Variants in NELL1 observed in about 807,000 individuals in gnomAD.
The protein encoded by NELL1 is neural EGFL like 1, also known as protein kinase C-binding protein NELL1.
A neutral mutation model predicts 107.4 loss-of-function variants in NELL1; 76 were observed. The observed-to-expected ratio is 0.71, with a 90% CI of 0.59 to 0.86. The LOEUF is 0.86. Ranked by LOEUF, NELL1 falls within the 40% of genes least tolerant of loss-of-function variation. The pLI, the probability that NELL1 is intolerant of heterozygous loss-of-function variation, is 0.00. For missense variants in NELL1, 1,024 were observed against 1,005.5 expected (o/e 1.02, Z -0.25); for synonymous variants, 353 against 341.2 (o/e 1.03, Z -0.38).
chr11:21,070,242 A>G (rs1051923248), intron 12 of NELL1, among the ~76,000 whole-genome samples: 4 of 152,160 alleles, frequency 2.6e-5, no homozygotes, highest in African/African-American at 9.7e-5. Flanking sequence ...GTACACTAGT[A>G]TCTATACATA....
chr11:21,302,001 C>T (rs1167818343), intron 14 of NELL1, among the ~76,000 whole-genome samples: 7 of 152,032 alleles, frequency 4.6e-5, no homozygotes. Context: ...GTGGCAGAGG[C>T]AGTATAGGTT....
chr11:21,243,586 C>T (rs565092728), intron 14 of NELL1, among the ~76,000 whole-genome samples: 19 of 152,164 alleles, frequency 1.2e-4, no homozygotes, highest in African/African-American at 3.9e-4. Flanking sequence ...AAGCAAAATG[C>T]GCACATGCAC....
At chr11:21,231,087 G>A (rs1214287920) in intron 14 of NELL1, among the ~76,000 whole-genome samples, 2 of 152,024 alleles carry the variant, frequency 1.3e-5, no homozygotes, top group African/African-American at 4.8e-5. Context: ...ACATTTGTAT[G>A]TACACGCACG....
chr11:20,809,336 A>G (rs889679295), intron 3 of NELL1, among the ~76,000 whole-genome samples: 3 of 152,234 alleles, frequency 2.0e-5, no homozygotes, highest in Non-Finnish European at 2.9e-5. Flanking sequence ...GGTGATTAGC[A>G]TATCAATCAT....
chr11:20,970,608 A>G (rs1851479612), intron 12 of NELL1, among the ~76,000 whole-genome samples: 1 of 152,154 alleles, frequency 6.6e-6, no homozygotes, highest in Non-Finnish European at 1.5e-5. Context: ...TCTTAAGAAT[A>G]AGATGTTCTG....
intron 13 of NELL1, among the ~76,000 whole-genome samples, chr11:21,126,076 G>T (rs1241109370): frequency 1.3e-5 from 2 of 152,190 alleles, no homozygotes; most frequent in African/African-American, 2.4e-5. Flanking sequence ...ATGTTAAGGT[G>T]TGGGAGGTTG....
chr11:21,029,111 C>T (rs929372351), intron 12 of NELL1, among the ~76,000 whole-genome samples: 12 of 152,108 alleles, frequency 7.9e-5, no homozygotes, highest in South Asian at 6.2e-4. Context: ...TCTTTGTAAC[C>T]GTCTTGTTTG....
chr11:21,522,918 T>A (rs1168517067), intron 15 of NELL1, among the ~76,000 whole-genome samples: 1 of 145,478 alleles, frequency 6.9e-6, no homozygotes, highest in Non-Finnish European at 1.5e-5. Context: ...TTGGCTCACT[T>A]CATGCAAGCT....
At chr11:21,485,155 A>G (rs553122393) in intron 15 of NELL1, among the ~76,000 whole-genome samples, 4 of 152,278 alleles carry the variant, frequency 2.6e-5, no homozygotes, top group East Asian at 3.9e-4. Flanking sequence ...GATTGTGCCA[A>G]GCTTCAGAAA....
Position 21,039,331 on chromosome 11 carries a change from A to G in NELL1, c.1301-74258A>G, listed in dbSNP as rs143906954. On this transcript the variant is annotated intron_variant, in intron 12 of 19. Transcript: ENST00000357134. The stretch of plus-strand genomic sequence containing the variant: ...CTCCCAAGTAGATGGGATTACAAGC[A>G]TGTATCACAACACCTGGCTAATTTT... Among the ~76,000 whole-genome samples, 244 of 152,150 alleles carry G rather than the reference A, an allele frequency of 1.6e-3. 3 individuals carry two copies. In the East Asian group the frequency reaches 0.018, roughly 11 times the overall value.
intron 3 of NELL1, among the ~76,000 whole-genome samples, chr11:20,826,523 A>AG (rs1375057079): frequency 6.6e-6 from 1 of 151,278 alleles, no homozygotes; most frequent in Non-Finnish European, 1.5e-5. Flanking sequence ...AGTGCACACC[A>AG]GGGGACAGCT....
intron 15 of NELL1, among the ~76,000 whole-genome samples, chr11:21,431,170 C>A (rs1852955731): frequency 6.7e-6 from 1 of 150,226 alleles, no homozygotes; most frequent in Admixed American, 6.7e-5. Context: ...TCACTTCCTC[C>A]CTTCTCTCAC....
intron 6 of NELL1, 76 bp from the exon 7 acceptor site, chr11:20,919,176 G>A (rs890016237): frequency 2.5e-5 from 21 of 848,966 alleles, no homozygotes; most frequent in African/African-American, 1.1e-4. Flanking sequence ...ACATAGTCAC[G>A]TATCTACTGT....
chr11:20,725,278 C>G (rs1314971395), intron 2 of NELL1, among the ~76,000 whole-genome samples: 1 of 152,206 alleles, frequency 6.6e-6, no homozygotes, highest in African/African-American at 2.4e-5. Context: ...GAAACATCCA[C>G]TTCCCCAGAC....
At chr11:21,138,427 C>T (rs1472128163) in intron 13 of NELL1, among the ~76,000 whole-genome samples, 1 of 152,100 alleles carries the variant, frequency 6.6e-6, no homozygotes, top group African/African-American at 2.4e-5. Flanking sequence ...CTGAGACAAA[C>T]CATCTATCAC....
chr11:20,995,706 T>C (rs1852076777), intron 12 of NELL1, among the ~76,000 whole-genome samples: 1 of 152,216 alleles, frequency 6.6e-6, no homozygotes, highest in South Asian at 2.1e-4. Flanking sequence ...CCTTATTGTG[T>C]ATCAATCAAT....
intron 3 of NELL1, among the ~76,000 whole-genome samples, chr11:20,796,130 T>C (rs1198100873): frequency 2.0e-5 from 3 of 152,178 alleles, no homozygotes; most frequent in Admixed American, 6.5e-5. Flanking sequence ...CCTAAAATTC[T>C]TCATAAGGGA....
At chr11:21,549,703 T>C (rs1040739759) in intron 16 of NELL1, among the ~76,000 whole-genome samples, 2 of 151,834 alleles carry the variant, frequency 1.3e-5, no homozygotes, top group African/African-American at 2.4e-5. Context: ...ATCTTTTTAT[T>C]TGTAATCTGG....
chr11:21,486,366 C>T (rs1238710875), intron 15 of NELL1, among the ~76,000 whole-genome samples: 2 of 152,156 alleles, frequency 1.3e-5, no homozygotes, highest in Non-Finnish European at 2.9e-5. Context: ...CAGATATCAC[C>T]AATGCTGCTT....
Sources: gnomAD v4.1 joint callset for allele counts (sites outside exome capture counted in the v4.1 genomes callset) on GRCh38, gnomAD v4.1.1 for gene constraint, MANE v1.5 for transcripts, NCBI Gene and HGNC (gene_info 2026-07-23, HGNC 2026-07-21) for gene names.